The following ST7L variants were observed in gnomAD, a reference collection of about 807,000 sequenced individuals.
The protein encoded by ST7L is suppressor of tumorigenicity 7 protein-like.
A neutral mutation model predicts 72.5 loss-of-function variants in ST7L; 57 were observed. That is an observed-to-expected ratio of 0.79 (90% CI 0.64 to 0.98). The LOEUF (loss-of-function observed/expected upper bound fraction) is 0.98. Ranked by LOEUF, ST7L falls within the 50% of genes least tolerant of loss-of-function variation. The probability of loss-of-function intolerance (pLI) is 0.00; values close to 1 mark genes in which losing one functional copy is unlikely to be tolerated. For missense variants in ST7L, 576 were observed against 672.2 expected (o/e 0.86, Z 1.58); for synonymous variants, 221 against 240.9 (o/e 0.92, Z 0.77).
At chr1:112,555,765 A>C in intron 12 of ST7L, 103 bp downstream of exon 12, 2 of 1,171,336 alleles carry the variant, frequency 1.7e-6, no homozygotes, top group Non-Finnish European at 2.3e-6. Flanking sequence ...AATCTGAACG[A>C]CAAATCCTTA....
chr1:112,539,375 GC>G (rs1655713406), intron 14 of ST7L: 1 of 152,310 alleles, frequency 6.6e-6, no homozygotes, highest in Non-Finnish European at 1.5e-5. Context: ...CTGGAAACTG[GC>G]CGGGTGCGGT....
In ST7L at chr1:112,526,060, T is replaced by A. The variant is rs1264033683; in HGVS notation, c.1681A>T (p.Asn561Tyr). ...TCTTCTGACTTCAAATCCTGTGTAT[T>A]CTCCTCAAAGCCTGAGGATGCCCAG... ...QPWASSGFEE[N>Y]TQDLKSEDLG... Residue 561 changes from asparagine (N) to tyrosine (Y), a missense_variant, in exon 15 of 15, where the codon AAT becomes TAT. Transcript: ENST00000358039. The A allele has an allele frequency of 6.2e-7, 1 of 1,613,968 alleles. No homozygotes were observed. Among genetic ancestry groups the A allele is most frequent in the African/African-American group, 1.3e-5 (1 of 74,862 alleles).
intron 13 of ST7L, among the ~76,000 whole-genome samples, chr1:112,547,616 G>C (rs975926107): frequency 2.3e-5 from 3 of 129,456 alleles, no homozygotes; most frequent in African/African-American, 6.0e-5. Flanking sequence ...TGTTGCCCAG[G>C]CTGGAGTGCA....
At chr1:112,532,547 G>A (rs1006019666) in intron 14 of ST7L, among the ~76,000 whole-genome samples, 5 of 152,178 alleles carry the variant, frequency 3.3e-5, no homozygotes, top group African/African-American at 1.2e-4. Context: ...TGTCACATTG[G>A]TCATCTGCAA....
At chr1:112,543,052 G>A (rs763380488) in intron 13 of ST7L, among the ~76,000 whole-genome samples, 47 of 151,998 alleles carry the variant, frequency 3.1e-4, no homozygotes, top group African/African-American at 9.2e-4. Flanking sequence ...CGTCCACCTC[G>A]GCCTCCCAAA....
At chr1:112,548,441 T>A (rs1168734219) in intron 13 of ST7L, among the ~76,000 whole-genome samples, 1 of 152,122 alleles carries the variant, frequency 6.6e-6, no homozygotes, top group Non-Finnish European at 1.5e-5. Context: ...ACAAAGCACT[T>A]TGAGAATTCA....
chr1:112,603,327 G>T (rs1442196751), intron 3 of ST7L, among the ~76,000 whole-genome samples: 1 of 152,136 alleles, frequency 6.6e-6, no homozygotes, highest in Admixed American at 6.5e-5. Context: ...ATCGGTAAAA[G>T]ATCCATTCAA....
At chr1:112,552,634 C>T in intron 12 of ST7L, among the ~76,000 whole-genome samples, 1 of 152,108 alleles carries the variant, frequency 6.6e-6, no homozygotes, top group Non-Finnish European at 1.5e-5. Context: ...GAACTCCCAA[C>T]CTCAGGTGAT....
intron 11 of ST7L, among the ~76,000 whole-genome samples, chr1:112,566,183 G>A (rs1660987281): frequency 6.6e-6 from 1 of 151,730 alleles, no homozygotes; most frequent in African/African-American, 2.4e-5. Context: ...TCTTTATTGA[G>A]GTATAATTTT....
chr1:112,521,627 C>T (rs139263372), downstream of ST7L: 1 of 152,352 alleles, frequency 6.6e-6, no homozygotes, highest in East Asian at 1.9e-4. Flanking sequence ...GGCAGCCTTC[C>T]TCCACTTACT....
chr1:112,585,566 T>G (rs1404172010), intron 6 of ST7L, among the ~76,000 whole-genome samples: 2 of 151,494 alleles, frequency 1.3e-5, no homozygotes, highest in East Asian at 3.9e-4. Flanking sequence ...CTGTCTCTAC[T>G]AAAAAAAATA....
At chr1:112,588,075 TTTCTTAATTTCCTTTTCAGATTG>T (rs974257907) in intron 6 of ST7L, among the ~76,000 whole-genome samples, 1 of 152,236 alleles carries the variant, frequency 6.6e-6, no homozygotes, top group African/African-American at 2.4e-5. Context: ...ATGGAATTGT[TTTCTTAATTTCCTTTTCAGATTG>T]TTCATTGCTA....
intron 6 of ST7L, among the ~76,000 whole-genome samples, chr1:112,584,748 A>G (rs1348532764): frequency 6.6e-6 from 1 of 152,148 alleles, no homozygotes; most frequent in African/African-American, 2.4e-5. Context: ...TCAGCTTTCC[A>G]AAGTGCTGGG....
chr1:112,596,322 T>C (rs1315240245), intron 5 of ST7L, among the ~76,000 whole-genome samples: 2 of 152,232 alleles, frequency 1.3e-5, no homozygotes, highest in African/African-American at 4.8e-5. Flanking sequence ...ACTGGCTATT[T>C]TTCAGACCCT....
At chr1:112,541,177 C>T (rs1448554541) in intron 14 of ST7L, among the ~76,000 whole-genome samples, 2 of 151,122 alleles carry the variant, frequency 1.3e-5, no homozygotes, top group African/African-American at 4.9e-5. Flanking sequence ...CCCAGCTACT[C>T]GGGGGGCTGA....
rs34816760 is a variant in ST7L, at chr1:112,585,732, CA to C, written c.702-1607del. Among the ~76,000 whole-genome samples the C allele has an allele frequency of 5.4e-3, 574 of 106,394 alleles. 3 individuals are homozygous for C. Among genetic ancestry groups the C allele is most frequent in the African/African-American group, 0.015 (400 of 26,942 alleles). The allele number at this position is 106,394 out of a possible 152,430, so 69.8% of individuals were successfully genotyped here. A position where few individuals can be genotyped will look rare whatever the true frequency, so the allele number is the denominator to read the frequency against. On this transcript the variant is annotated intron_variant, in intron 6 of 14. Coordinates refer to ENST00000358039, the MANE Select transcript of ST7L (RefSeq NM_017744.5). Reference sequence around the variant, plus strand: ...TGGGTGACAGAGTGAGACTCCGTCTCAAAAAAAAAAAAAAATTAATATTTTG... The same window carrying C: ...TGGGTGACAGAGTGAGACTCCGTCTCAAAAAAAAAAAAAATTAATATTTTG...
At position 112,578,339 on chromosome 1, in the gene ST7L, A is replaced by G; in HGVS notation, c.1142+6T>C. On this transcript the variant is annotated splice_donor_region_variant and intron_variant, in intron 10 of 14. Transcript: ENST00000358039. ...TCCAAATCATTGTAGTTTTTATAACACGTACTTTTCTGAAACAGTCCTTGT... is the reference window on the plus strand; with the variant it reads ...TCCAAATCATTGTAGTTTTTATAACGCGTACTTTTCTGAAACAGTCCTTGT... 2 of 1,613,376 alleles carry G rather than the reference A, an allele frequency of 1.2e-6. No homozygotes were observed. Among genetic ancestry groups the G allele is most frequent in the South Asian group, 2.2e-5 (2 of 91,066 alleles).
intron 6 of ST7L, 49 bp downstream of exon 6, chr1:112,591,476 C>T (rs377247970): frequency 6.6e-6 from 10 of 1,516,824 alleles, no homozygotes; most frequent in Non-Finnish European, 8.2e-6. Flanking sequence ...AAATCATTTG[C>T]CTTGGTTTCC....
At chr1:112,614,293 G>A (rs545760507) in intron 2 of ST7L, among the ~76,000 whole-genome samples, 20 of 152,024 alleles carry the variant, frequency 1.3e-4, no homozygotes, top group Non-Finnish European at 2.2e-4. Context: ...TGTTGCCCAG[G>A]CTGGTCTCAA....
Sources: gnomAD v4.1 joint callset for allele counts (sites outside exome capture counted in the v4.1 genomes callset) on GRCh38, gnomAD v4.1.1 for gene constraint, MANE v1.5 for transcripts, NCBI Gene and HGNC (gene_info 2026-07-23, HGNC 2026-07-21) for gene names.